Variants in SP140 observed in about 807,000 individuals in gnomAD.
The protein encoded by SP140 is SP140 nuclear body protein.
SP140 carries 81 observed loss-of-function variants against 125.0 expected under a neutral mutation model. The ratio of observed to expected loss-of-function variants is 0.65; its 90% CI spans 0.54 to 0.78. SP140 has a LOEUF of 0.78. SP140 is among the 30% of genes least tolerant of loss of function. The pLI, the probability that SP140 is intolerant of heterozygous loss-of-function variation, is 0.00. For synonymous variants in SP140, 312 were observed against 354.0 expected (o/e 0.88, Z 1.33); for missense variants, 858 against 1,037.0 (o/e 0.83, Z 2.37).
intron 11 of SP140, 73 bp from the exon 12 acceptor site, chr2:230,255,379 A>C: frequency 6.4e-7 from 1 of 1,554,358 alleles, no homozygotes; most frequent in East Asian, 2.2e-5. Context: ...CCACATCTTC[A>C]CTAAGTTTTC....
At chr2:230,299,395 T>C (rs2058076493) in intron 22 of SP140, among the ~76,000 whole-genome samples, 1 of 152,160 alleles carries the variant, frequency 6.6e-6, no homozygotes, top group Non-Finnish European at 1.5e-5. Flanking sequence ...GGGTGAAATA[T>C]AAAAGTAGAA....
intron 15 of SP140, among the ~76,000 whole-genome samples, chr2:230,272,105 G>A (rs2054012864): frequency 6.6e-6 from 1 of 152,124 alleles, no homozygotes; most frequent in Non-Finnish European, 1.5e-5. Context: ...TCATGGATAG[G>A]AAGAATCAAT....
chr2:230,284,102 A>G (rs1159813598), intron 15 of SP140, among the ~76,000 whole-genome samples: 1 of 152,180 alleles, frequency 6.6e-6, no homozygotes. Flanking sequence ...ATTTTCCATT[A>G]AAAATTTTGT....
intron 4 of SP140, 78 bp downstream of exon 4, chr2:230,241,565 C>A: frequency 3.6e-6 from 3 of 829,604 alleles, no homozygotes; most frequent in South Asian, 2.8e-5. Context: ...CTTGTATTTC[C>A]TCTCCTGTCT....
downstream of SP140, among the ~76,000 whole-genome samples, chr2:230,314,040 C>G (rs575477431): frequency 6.6e-6 from 1 of 152,252 alleles, no homozygotes; most frequent in Non-Finnish European, 1.5e-5. Flanking sequence ...CAAGGAATGC[C>G]TATTACAGGC....
chr2:230,199,506 G>C (rs2043036711), upstream of SP140, among the ~76,000 whole-genome samples: 1 of 151,988 alleles, frequency 6.6e-6, no homozygotes, highest in South Asian at 2.1e-4. Context: ...ACTGTGCTGG[G>C]CCAGCAACAT....
intron 9 of SP140, among the ~76,000 whole-genome samples, chr2:230,250,217 A>C (rs538446356): frequency 6.6e-6 from 1 of 152,204 alleles, no homozygotes; most frequent in East Asian, 1.9e-4. Flanking sequence ...GCTTTAGCAC[A>C]ATTGGCAATT....
chr2:230,206,595 T>TTATATATATATCTATATATA (rs2043845018), intron 1 of SP140, among the ~76,000 whole-genome samples: 1 of 70,508 alleles, frequency 1.4e-5, no homozygotes, highest in Non-Finnish European at 2.8e-5. Flanking sequence ...GGTCCAGATT[T>TTATATATATATCTATATATA]TATATATATA....
At chr2:230,200,906 T>C (rs2043119278), upstream of SP140, 6 of 1,613,626 alleles carry the variant, frequency 3.7e-6, no homozygotes, top group Non-Finnish European at 5.1e-6. Context: ...CTTCGTGGTG[T>C]ACTAGGCGTC....
intron 1 of SP140, chr2:230,209,979 C>T (rs1219243771): frequency 6.2e-7 from 1 of 1,609,158 alleles, no homozygotes; most frequent in South Asian, 1.1e-5. Context: ...TCTTCTGGGT[C>T]ATTTGGTTCT....
chr2:230,227,709 G>A (rs1258574107), intron 1 of SP140, among the ~76,000 whole-genome samples: 1 of 152,170 alleles, frequency 6.6e-6, no homozygotes, highest in African/African-American at 2.4e-5. Context: ...ATTTGTAGGT[G>A]TAGAGTCCAT....
At chr2:230,269,191 G>A (rs1316651408) in intron 12 of SP140, among the ~76,000 whole-genome samples, 2 of 152,064 alleles carry the variant, frequency 1.3e-5, no homozygotes, top group Non-Finnish European at 2.9e-5. Context: ...ATGTGACTGG[G>A]GATATAAGTA....
upstream of SP140, chr2:230,221,593 G>A (rs1403723474): frequency 1.9e-6 from 2 of 1,048,552 alleles, no homozygotes; most frequent in East Asian, 2.6e-5. Flanking sequence ...TAACAGCTGA[G>A]GAGAGGGTGC....
At chr2:230,229,204 T>C (rs752705221) in intron 1 of SP140, among the ~76,000 whole-genome samples, 3 of 151,868 alleles carry the variant, frequency 2.0e-5, no homozygotes, top group Non-Finnish European at 4.4e-5. Flanking sequence ...TTTTTAACAT[T>C]GTGAAATGAC....
At chr2:230,213,217 G>C (rs977248364) in intron 1 of SP140, among the ~76,000 whole-genome samples, 4 of 152,026 alleles carry the variant, frequency 2.6e-5, no homozygotes, top group Admixed American at 6.6e-5. Flanking sequence ...TATCTGGTTT[G>C]GGCATTGAGT....
chr2:230,270,467 G>C, intron 14 of SP140, 119 bp from the exon 15 acceptor site: 1 of 1,051,268 alleles, frequency 9.5e-7, no homozygotes, highest in Non-Finnish European at 1.4e-6. Flanking sequence ...AGAAGAAAGA[G>C]AGGAATGATT....
At chr2:230,244,288 AC>A in intron 5 of SP140, among the ~76,000 whole-genome samples, 1 of 152,344 alleles carries the variant, frequency 6.6e-6, no homozygotes, top group South Asian at 2.1e-4. Context: ...TGATGGATAA[AC>A]TTTTGCTTAT....
At chr2:230,217,764 G>C (rs1040644996) in intron 3 of SP140, among the ~76,000 whole-genome samples, 1 of 152,184 alleles carries the variant, frequency 6.6e-6, no homozygotes, top group African/African-American at 2.4e-5. Context: ...CACTGATCTG[G>C]GTTAAACAAG....
intron 20 of SP140, among the ~76,000 whole-genome samples, chr2:230,294,070 G>A (rs1321975491): frequency 4.6e-5 from 7 of 152,214 alleles, no homozygotes; most frequent in Admixed American, 4.6e-4. Context: ...AAATGGTCCT[G>A]AAGATGCTTT....
Sources: gnomAD v4.1 joint callset for allele counts (sites outside exome capture counted in the v4.1 genomes callset) on GRCh38, gnomAD v4.1.1 for gene constraint, MANE v1.5 for transcripts, NCBI Gene and HGNC (gene_info 2026-07-23, HGNC 2026-07-21) for gene names.